Variants in C1orf105 observed in about 807,000 individuals in gnomAD.
The protein encoded by C1orf105 is uncharacterized protein C1orf105.
A neutral mutation model predicts 20.8 loss-of-function variants in C1orf105; 17 were observed. The ratio of observed to expected loss-of-function variants is 0.82; its 90% CI spans 0.56 to 1.23. C1orf105 has a LOEUF of 1.23. Ranked by LOEUF, C1orf105 falls within the 50% of genes most tolerant of loss-of-function variation. The pLI is 0.00. For synonymous variants in C1orf105, 72 were observed against 72.1 expected, an observed-to-expected ratio of 1.00 and a Z score of 0.01; for missense variants, 219 against 213.5, an observed-to-expected ratio of 1.03 and a Z score of -0.16.
intron 2 of C1orf105, among the ~76,000 whole-genome samples, chr1:172,445,578 A>G (rs1647896307): frequency 6.6e-6 from 1 of 152,210 alleles, no homozygotes; most frequent in Non-Finnish European, 1.5e-5. Flanking sequence ...GCACCCTCCT[A>G]CATTCCTGTT....
At chr1:172,434,884 A>T (rs1392208561) in intron 1 of C1orf105, among the ~76,000 whole-genome samples, 2 of 152,226 alleles carry the variant, frequency 1.3e-5, no homozygotes, top group East Asian at 3.8e-4. Flanking sequence ...AGAAGAATCA[A>T]ATAGACACAA....
intron 1 of C1orf105, among the ~76,000 whole-genome samples, chr1:172,422,629 T>C (rs2071619637): frequency 6.6e-6 from 1 of 151,882 alleles, no homozygotes; most frequent in Non-Finnish European, 1.5e-5. Flanking sequence ...GGACTCCGTC[T>C]TGAGCTTAGG....
rs2071986186 is a variant in C1orf105 at position 172,434,828 on chromosome 1, T to G, written c.22-10245T>G. On this transcript the variant is annotated intron_variant, in intron 1 of 6. Transcript: ENST00000367727. Reference sequence around the variant, plus strand: ...TCCAGGAGCTGGTTTTTTGAAAAGATCAACAAAATTGATAGACCGCTAGCA... The same window carrying G: ...TCCAGGAGCTGGTTTTTTGAAAAGAGCAACAAAATTGATAGACCGCTAGCA... Among the ~76,000 whole-genome samples the G allele has an allele frequency of 2.6e-5, 4 of 152,116 alleles. No individual in the cohort carries two copies. In the South Asian group the frequency reaches 8.3e-4, roughly 32 times the overall value.
At chr1:172,450,451 C>T (rs1379637702) in intron 3 of C1orf105, among the ~76,000 whole-genome samples, 1 of 152,218 alleles carries the variant, frequency 6.6e-6, no homozygotes, top group Admixed American at 6.5e-5. Context: ...CACGTATGTG[C>T]CATGAGGTAA....
intron 2 of C1orf105, among the ~76,000 whole-genome samples, chr1:172,445,399 A>G (rs1573862574): frequency 6.6e-6 from 1 of 152,216 alleles, no homozygotes; most frequent in East Asian, 1.9e-4. Flanking sequence ...ACTCAACAGT[A>G]TAAGATAATT....
chr1:172,449,777 A>T (rs893380143), intron 3 of C1orf105, among the ~76,000 whole-genome samples: 6 of 152,192 alleles, frequency 3.9e-5, no homozygotes, highest in African/African-American at 1.4e-4. Flanking sequence ...CATGACGTGC[A>T]CTGGGTAGAG....
chr1:172,436,647 A>C (rs941913059), intron 1 of C1orf105, among the ~76,000 whole-genome samples: 1 of 152,240 alleles, frequency 6.6e-6, no homozygotes, highest in Non-Finnish European at 1.5e-5. Flanking sequence ...CCCTAGAAGA[A>C]AGCTAGGTAA....
rs576453404 is a variant in C1orf105, at chr1:172,468,572, T to C, written c.530T>C (p.Ile177Thr). 11 of 1,613,646 alleles carry C rather than the reference T, an allele frequency of 6.8e-6. No homozygotes were observed. The highest frequency in any genetic ancestry group is 1.1e-5 in the South Asian group (1 of 91,030). The change falls in exon 7 of 7, where the codon ATA becomes ACA. Residue 177 changes from isoleucine to threonine, a missense_variant. Physicochemically the swap from Ile to Thr is moderately conservative, Grantham distance 89 (BLOSUM62 -1). Transcript: ENST00000367727. ...QRSSLPRKEP[I>T]GKTTRQ ...TCTTCCTTGCCCAGAAAGGAACCAATAGGCAAGACAACGAGGCAGTGAGCG... is the reference window on the plus strand; with the variant it reads ...TCTTCCTTGCCCAGAAAGGAACCAACAGGCAAGACAACGAGGCAGTGAGCG...
At position 172,455,118 on chromosome 1, in the gene C1orf105, T is replaced by C. The variant is rs577934273; in HGVS notation, c.199-1297T>C. 1.5e-3 allele frequency among the ~76,000 whole-genome samples: 226 copies of C among 152,328 alleles called. 2 individuals are homozygous for C. The highest frequency in any genetic ancestry group is 7.2e-3 in the South Asian group (35 of 4,828). On this transcript the variant is annotated intron_variant, in intron 3 of 6. Coordinates refer to ENST00000367727, the MANE Select transcript of C1orf105 (RefSeq NM_139240.4). ...CAACCCACAACATTGTAATACTGAGTTGATTCTTTTTAGAATGCCCTATAA... is the reference window on the plus strand; with the variant it reads ...CAACCCACAACATTGTAATACTGAGCTGATTCTTTTTAGAATGCCCTATAA...
intron 6 of C1orf105, among the ~76,000 whole-genome samples, chr1:172,467,518 T>A (rs1470552939): frequency 6.6e-6 from 1 of 152,142 alleles, no homozygotes; most frequent in African/African-American, 2.4e-5. Flanking sequence ...GCTAACCACC[T>A]CATAGGGGCC....
At chr1:172,462,846 C>T (rs1041911) in intron 5 of C1orf105, among the ~76,000 whole-genome samples, 109,695 of 152,012 alleles carry the variant, frequency 0.72, 39,978 homozygotes, top group East Asian at 1. Flanking sequence ...AATCTTGGCT[C>T]ACTGCAACCT....
At chr1:172,432,696 G>C (rs559165593) in intron 1 of C1orf105, among the ~76,000 whole-genome samples, 1 of 152,328 alleles carries the variant, frequency 6.6e-6, no homozygotes, top group East Asian at 1.9e-4. Context: ...CTAAAAACCA[G>C]AGCGCCTCTT....
intron 5 of C1orf105, among the ~76,000 whole-genome samples, chr1:172,463,158 G>C (rs1649814710): frequency 6.6e-6 from 1 of 152,116 alleles, no homozygotes; most frequent in Non-Finnish European, 1.5e-5. Flanking sequence ...ATTACAACAT[G>C]CAAAACATGG....
chr1:172,465,501 G>C (rs1416594100), intron 6 of C1orf105, 138 bp downstream of exon 6: 3 of 746,366 alleles, frequency 4.0e-6, no homozygotes, highest in Non-Finnish European at 7.1e-6. Context: ...TTCACGTATT[G>C]TCTTTTGACC....
intron 6 of C1orf105, 103 bp from the exon 7 acceptor site, chr1:172,468,346 T>C (rs1010755912): frequency 1.2e-6 from 1 of 857,262 alleles, no homozygotes; most frequent in Non-Finnish European, 1.7e-6. Context: ...ATCTGTTTTA[T>C]AAGGTTGAAG....
At chr1:172,466,531 C>T (rs1338356444) in intron 6 of C1orf105, among the ~76,000 whole-genome samples, 1 of 151,558 alleles carries the variant, frequency 6.6e-6, no homozygotes, top group Non-Finnish European at 1.5e-5. Context: ...TCCTTTGGAC[C>T]TGGACTTTTT....
intron 3 of C1orf105, chr1:172,453,163 C>T: frequency 2.6e-6 from 4 of 1,551,038 alleles, no homozygotes; most frequent in Non-Finnish European, 3.5e-6. Context: ...TCTTGGAGGC[C>T]AGGCTTCAGC....
At chr1:172,428,873 C>A in intron 1 of C1orf105, 1 of 683,192 alleles carries the variant, frequency 1.5e-6, no homozygotes. Context: ...ATTCCTGAAG[C>A]CACACACTAT....
intron 1 of C1orf105, chr1:172,442,719 G>A (rs1158731521): frequency 9.6e-7 from 1 of 1,038,764 alleles, no homozygotes; most frequent in Non-Finnish European, 1.5e-6. Flanking sequence ...AGACCTCCCT[G>A]GAAATTCCAT....
Sources: gnomAD v4.1 joint callset for allele counts (sites outside exome capture counted in the v4.1 genomes callset) on GRCh38, gnomAD v4.1.1 for gene constraint, MANE v1.5 for transcripts, NCBI Gene and HGNC (gene_info 2026-07-23, HGNC 2026-07-21) for gene names.